PTBP3: variants seen among roughly 807,000 people sequenced by gnomAD.
PTBP3 encodes the protein polypyrimidine tract-binding protein 3.
A neutral mutation model predicts 58.7 loss-of-function variants in PTBP3; 20 were observed. That is an observed-to-expected ratio of 0.34 (90% CI 0.24 to 0.50). PTBP3 has a LOEUF of 0.50. Among genes scored for constraint, PTBP3 ranks in the 20% least tolerant of loss-of-function variants. The probability of loss-of-function intolerance (pLI) is 0.98; values close to 1 mark genes in which losing one functional copy is unlikely to be tolerated. For synonymous variants in PTBP3, 185 were observed against 219.8 expected (o/e 0.84, Z 1.40); for missense variants, 509 against 637.2 (o/e 0.80, Z 2.17).
chr9:112,346,670 T>C, the PTBP3 span, among the ~76,000 whole-genome samples: 1 of 152,248 alleles, frequency 6.6e-6, no homozygotes, highest in East Asian at 1.9e-4. Context: ...TAAAAGGTGT[T>C]CTTAAACACA....
chr9:112,246,692 CAAA>C (rs1264620462), intron 7 of PTBP3, among the ~76,000 whole-genome samples: 1 of 107,206 alleles, frequency 9.3e-6, no homozygotes. Flanking sequence ...GACTCTGTCT[CAAA>C]AAAAAAAAAA....
intron 5 of PTBP3, among the ~76,000 whole-genome samples, chr9:112,255,851 T>C (rs143188982): frequency 5.3e-5 from 8 of 152,324 alleles, no homozygotes; most frequent in Admixed American, 3.9e-4. Flanking sequence ...CCTTCATTTA[T>C]CTTTTCCAAA....
the PTBP3 span, among the ~76,000 whole-genome samples, chr9:112,348,462 A>G: frequency 6.6e-6 from 1 of 152,240 alleles, no homozygotes; most frequent in Non-Finnish European, 1.5e-5. Context: ...TGAACTGGTA[A>G]GGGAAAAAAA....
At position 112,222,812 on chromosome 9, in the gene PTBP3, TTAAG is replaced by T. The variant is rs778377793; in HGVS notation, c.*1035_*1038del. The T allele has an allele frequency of 1.7e-4, 155 of 904,250 alleles. No homozygotes were observed. Among genetic ancestry groups the T allele is most frequent in the South Asian group, 6.1e-4 (12 of 19,526 alleles). The allele number at this position is 904,250 out of a possible 1,614,324, so 56.0% of individuals were successfully genotyped here. A position where few individuals can be genotyped will look rare whatever the true frequency, so the allele number is the denominator to read the frequency against. ...ACATAATAAGGCACATAATAAGAAATTAAGTAAATACACAGTAATTCTGAGTAAG... is the reference window on the plus strand; with the variant it reads ...ACATAATAAGGCACATAATAAGAAATTAAATACACAGTAATTCTGAGTAAG... On this transcript the variant is annotated 3_prime_UTR_variant, in exon 14 of 14. Coordinates refer to ENST00000374257, the MANE Select transcript of PTBP3 (RefSeq NM_001163788.4).
At chr9:112,329,693 G>A (rs938370479) in intron 1 of PTBP3, among the ~76,000 whole-genome samples, 42 of 152,080 alleles carry the variant, frequency 2.8e-4, no homozygotes, top group Admixed American at 2.6e-3. Flanking sequence ...TACCTTGAAG[G>A]ATTGCTATGA....
the PTBP3 span, among the ~76,000 whole-genome samples, chr9:112,365,945 G>A: frequency 3.3e-5 from 5 of 152,150 alleles, no homozygotes; most frequent in Admixed American, 1.3e-4. Flanking sequence ...GTGACAATGC[G>A]ATAGAAAAGA....
At chr9:112,371,043 A>G in the PTBP3 span, among the ~76,000 whole-genome samples, 1 of 152,226 alleles carries the variant, frequency 6.6e-6, no homozygotes, top group Non-Finnish European at 1.5e-5. Context: ...TTTTCTAGAT[A>G]TAAGATCATG....
At chr9:112,309,504 G>A (rs1202974937) in intron 1 of PTBP3, among the ~76,000 whole-genome samples, 1 of 152,076 alleles carries the variant, frequency 6.6e-6, no homozygotes, top group Non-Finnish European at 1.5e-5. Context: ...TAAGTAACAG[G>A]CCGGGTGTGG....
chr9:112,262,293 A>G lies in PTBP3; in HGVS notation c.516+142T>C, dbSNP rs115961979. 2.3e-3 allele frequency: 1,529 copies of G among 659,958 alleles called. 22 individuals are homozygous for G. The African/African-American group carries it at 0.027, about 12-fold the overall frequency. The allele number at this position is 659,958 out of a possible 1,614,324, so 40.9% of individuals were successfully genotyped here. A position where few individuals can be genotyped will look rare whatever the true frequency, so the allele number is the denominator to read the frequency against. On this transcript the variant is annotated intron_variant, in intron 5 of 13. Transcript: ENST00000374257. ...TGTCAAAAAATTACCTCTAATTTCT[A>G]TGAAATTAGATGAAGTTTTTTTCAT...
intron 2 of PTBP3, among the ~76,000 whole-genome samples, 196 bp downstream of exon 2, chr9:112,297,636 A>T (rs1267385286): frequency 6.6e-6 from 1 of 152,230 alleles, no homozygotes; most frequent in Non-Finnish European, 1.5e-5. Flanking sequence ...ATTAGATCCA[A>T]ATGAATCCTT....
At chr9:112,331,313 T>A (rs1333134448) in intron 1 of PTBP3, among the ~76,000 whole-genome samples, 1 of 152,126 alleles carries the variant, frequency 6.6e-6, no homozygotes. Flanking sequence ...AAGACCAGGG[T>A]GTGAAAATCC....
the PTBP3 span, among the ~76,000 whole-genome samples, chr9:112,375,090 T>G: frequency 6.6e-6 from 1 of 152,060 alleles, no homozygotes; most frequent in Non-Finnish European, 1.5e-5. Context: ...ACAGGGGTGG[T>G]TGGGGAAAGA....
chr9:112,364,066 A>G, the PTBP3 span, among the ~76,000 whole-genome samples: 3 of 151,908 alleles, frequency 2.0e-5, no homozygotes, highest in African/African-American at 4.8e-5. Context: ...GCCTCTTCAG[A>G]ATGTCATATA....
At chr9:112,354,550 T>A in the PTBP3 span, among the ~76,000 whole-genome samples, 4 of 152,222 alleles carry the variant, frequency 2.6e-5, no homozygotes, top group African/African-American at 9.6e-5. Flanking sequence ...GGATAATAAG[T>A]CCTCATATTG....
intron 1 of PTBP3, among the ~76,000 whole-genome samples, chr9:112,307,673 AACC>A (rs1269019136): frequency 2.0e-5 from 3 of 152,264 alleles, no homozygotes; most frequent in African/African-American, 7.2e-5. Flanking sequence ...TAATTCTGAT[AACC>A]ACAATTTTCT....
At chr9:112,339,736 G>C in the PTBP3 span, among the ~76,000 whole-genome samples, 7 of 151,534 alleles carry the variant, frequency 4.6e-5, no homozygotes, top group Middle Eastern at 3.4e-3. Context: ...GCTAATTTTT[G>C]TATTTTTGGT....
rs771667055 is a variant in PTBP3 at position 112,275,957 on chromosome 9, G to A, written c.91C>T (p.Arg31Cys). 1.3e-5 allele frequency: 21 copies of A among 1,613,508 alleles called. No homozygotes were observed. The highest frequency in any genetic ancestry group is 1.6e-4 in the Middle Eastern group (1 of 6,062). Residue 31 changes from arginine to cysteine, a missense_variant, in exon 3 of 14, where the codon CGT becomes TGT. Physicochemically the swap from Arg to Cys is radical, Grantham distance 180. This residue lies in a region of PTBP3 where 212 missense variants were observed against 215.3 expected (regional missense o/e 0.98). Coordinates refer to ENST00000374257, the MANE Select transcript of PTBP3 (RefSeq NM_001163788.4). The part of the protein sequence containing the change: ...KRDRPPCSPS[R>C]VLHLRKIPCD... Reference sequence around the variant, plus strand: ...GGAATTTTTCGAAGATGGAGAACACGGGAAGGCGAACAGGGAGGTCTATCT... The same window carrying A: ...GGAATTTTTCGAAGATGGAGAACACAGGAAGGCGAACAGGGAGGTCTATCT...
At chr9:112,280,710 T>C (rs1589859879) in intron 2 of PTBP3, among the ~76,000 whole-genome samples, 1 of 152,106 alleles carries the variant, frequency 6.6e-6, no homozygotes, top group Non-Finnish European at 1.5e-5. Context: ...TACTTGGTCA[T>C]GACACATGTA....
In PTBP3 at chr9:112,268,552, G is replaced by A. The variant is rs146261872; in HGVS notation, c.205-357C>T. 3.7e-3 allele frequency among the ~76,000 whole-genome samples: 566 copies of A among 151,250 alleles called. 2 individuals are homozygous for A. Among genetic ancestry groups the A allele is most frequent in the African/African-American group, 0.013 (545 of 41,224 alleles). ...TCTACAAAAAATTTTAAAAATTAGC[G>A]GGGCATGGTGGCACATGGCTGTGGT... On this transcript the variant is annotated intron_variant, in intron 3 of 13. Transcript: ENST00000374257.
Sources: gnomAD v4.1 joint callset for allele counts (sites outside exome capture counted in the v4.1 genomes callset) on GRCh38, gnomAD v4.1.1 for gene constraint, gnomAD v4.1.1 regional missense constraint, MANE v1.5 for transcripts, NCBI Gene and HGNC (gene_info 2026-07-23, HGNC 2026-07-21) for gene names.